Variants in PPP2R2B observed in about 807,000 individuals in gnomAD.
PPP2R2B encodes the protein serine/threonine-protein phosphatase 2A 55 kDa regulatory subunit B beta isoform.
A neutral mutation model predicts 46.0 loss-of-function variants in PPP2R2B; 5 were observed. The ratio of observed to expected loss-of-function variants is 0.11; its 90% confidence interval spans 0.06 to 0.23. PPP2R2B has a LOEUF of 0.23. Ranked by LOEUF, PPP2R2B falls within the 10% of genes least tolerant of loss-of-function variation. The pLI, the probability that PPP2R2B is intolerant of heterozygous loss-of-function variation, is 1.00. For synonymous variants in PPP2R2B, 215 were observed against 206.7 expected, an observed-to-expected ratio of 1.04 and a Z score of -0.34; for missense variants, 367 against 575.0, an observed-to-expected ratio of 0.64 and a Z score of 3.70.
At chr5:146,790,476 GCT>G (rs1756127401) in intron 2 of PPP2R2B, among the ~76,000 whole-genome samples, 1 of 152,332 alleles carries the variant, frequency 6.6e-6, no homozygotes, top group African/African-American at 2.4e-5. Flanking sequence ...GGTGAGGGCA[GCT>G]CTTTCTACCC....
chr5:146,784,854 T>G (rs1755741431), intron 2 of PPP2R2B, among the ~76,000 whole-genome samples: 1 of 152,198 alleles, frequency 6.6e-6, no homozygotes, highest in African/African-American at 2.4e-5. Flanking sequence ...ATACTTGACT[T>G]GTCAGAATCA....
At chr5:146,592,696 G>A (rs1193014869) in intron 9 of PPP2R2B, among the ~76,000 whole-genome samples, 3 of 152,218 alleles carry the variant, frequency 2.0e-5, no homozygotes, top group Non-Finnish European at 4.4e-5. Context: ...TTGACCTAGT[G>A]CTGGAGGTGT....
chr5:147,015,217 C>T lies in PPP2R2B; in HGVS notation c.79+40448G>A, dbSNP rs1275762805. Among the ~76,000 whole-genome samples, 48 of 149,010 alleles carry T rather than the reference C, an allele frequency of 3.2e-4. 1 individual carries two copies. In the Admixed American group the frequency reaches 3.3e-3, roughly 10 times the overall value. On this transcript the variant is annotated intron_variant, in intron 1 of 8. Coordinates refer to the PPP2R2B transcript ENST00000336640. ...TGAATGACTGAACCACTTCCAGACC[C>T]TCCTTTCCCCAATTTTATAGACCAC...
intron 1 of PPP2R2B, among the ~76,000 whole-genome samples, chr5:146,956,091 C>T (rs1343559679): frequency 6.6e-6 from 1 of 151,882 alleles, no homozygotes; most frequent in Non-Finnish European, 1.5e-5. Context: ...AGTCTTCTTT[C>T]TAAGGAGTCT....
intron 1 of PPP2R2B, among the ~76,000 whole-genome samples, chr5:147,033,481 T>G (rs1042283246): frequency 6.6e-6 from 1 of 152,182 alleles, no homozygotes; most frequent in Non-Finnish European, 1.5e-5. Flanking sequence ...TAGTAACAGA[T>G]ATGAATGACT....
chr5:147,067,457 A>T (rs1406444822), intron 2 of PPP2R2B, among the ~76,000 whole-genome samples: 1 of 152,084 alleles, frequency 6.6e-6, no homozygotes, highest in African/African-American at 2.4e-5. Context: ...TGTCCTCTAG[A>T]TTCATCAGTG....
Position 146,730,759 on chromosome 5 carries a change from C to A in PPP2R2B, c.71-29617G>T, listed in dbSNP as rs546322369. On this transcript the variant is annotated intron_variant, in intron 2 of 9. Transcript: ENST00000394411. The stretch of plus-strand genomic sequence containing the variant: ...CTGAGGCCTCCCCAGACATGTGGAA[C>A]TGTAAGTCCAATTAAACCTCTTTTT... Among the ~76,000 whole-genome samples, 11 of 152,276 alleles carry A rather than the reference C, an allele frequency of 7.2e-5. 1 individual carries two copies. In the East Asian group the frequency reaches 1.9e-3, roughly 27 times the overall value.
intron 2 of PPP2R2B, among the ~76,000 whole-genome samples, chr5:146,732,400 C>T (rs1364907856): frequency 2.0e-5 from 3 of 152,072 alleles, no homozygotes; most frequent in African/African-American, 7.2e-5. Context: ...GGTTTTTCCA[C>T]AGAGCAAGTG....
chr5:146,895,203 C>T (rs1343575355), intron 1 of PPP2R2B, among the ~76,000 whole-genome samples: 4 of 152,192 alleles, frequency 2.6e-5, no homozygotes, highest in Non-Finnish European at 5.9e-5. Context: ...AGTGTTTCTT[C>T]TTCATTCACC....
chr5:146,938,459 A>G (rs1305089706), intron 1 of PPP2R2B, among the ~76,000 whole-genome samples: 3 of 152,174 alleles, frequency 2.0e-5, no homozygotes, highest in African/African-American at 7.2e-5. Context: ...CCTAGCAATT[A>G]TATCTCTAAG....
At chr5:146,861,851 G>C in intron 2 of PPP2R2B, among the ~76,000 whole-genome samples, 1 of 111,874 alleles carries the variant, frequency 8.9e-6, no homozygotes. Flanking sequence ...TTAAAATACA[G>C]CATTGTTTTT....
chr5:146,757,922 A>G (rs770812839), intron 2 of PPP2R2B, among the ~76,000 whole-genome samples: 11 of 152,158 alleles, frequency 7.2e-5, no homozygotes, highest in Non-Finnish European at 1.2e-4. Context: ...TCTTCCATGC[A>G]CCTTGAAGGC....
intron 1 of PPP2R2B, among the ~76,000 whole-genome samples, chr5:147,047,348 G>A (rs77618062): frequency 0.051 from 7,721 of 152,114 alleles, 276 homozygotes; most frequent in Admixed American, 0.083. Flanking sequence ...TGATGAATAT[G>A]CTAATTACCC....
chr5:146,662,722 T>G (rs1481910564), intron 5 of PPP2R2B, among the ~76,000 whole-genome samples: 3 of 152,168 alleles, frequency 2.0e-5, no homozygotes, highest in Non-Finnish European at 4.4e-5. Context: ...AGGTTTATGT[T>G]AATTTTAAAA....
intron 1 of PPP2R2B, among the ~76,000 whole-genome samples, chr5:147,036,692 T>C (rs566682505): frequency 5.3e-5 from 8 of 152,300 alleles, no homozygotes; most frequent in African/African-American, 1.9e-4. Flanking sequence ...ATTTTTGACT[T>C]TTTAATAATA....
At chr5:146,944,349 G>T (rs1389540806) in intron 1 of PPP2R2B, among the ~76,000 whole-genome samples, 1 of 152,126 alleles carries the variant, frequency 6.6e-6, no homozygotes, top group Non-Finnish European at 1.5e-5. Flanking sequence ...CTTTAGATCA[G>T]AGAGAGAAAG....
intron 1 of PPP2R2B, among the ~76,000 whole-genome samples, chr5:147,007,489 T>G (rs1754500555): frequency 6.6e-6 from 1 of 152,116 alleles, no homozygotes; most frequent in African/African-American, 2.4e-5. Context: ...AATGGACCAA[T>G]CAGCAGGATG....
At chr5:147,054,494 G>T (rs79657188) in intron 1 of PPP2R2B, 5 of 377,850 alleles carry the variant, frequency 1.3e-5, no homozygotes, top group African/African-American at 6.6e-5. Context: ...TAAAAAAAAA[G>T]TCCATGAGAT....
chr5:146,823,073 T>C (rs183645788), intron 2 of PPP2R2B, among the ~76,000 whole-genome samples: 2 of 152,332 alleles, frequency 1.3e-5, no homozygotes, highest in Admixed American at 1.3e-4. Context: ...ACCAAAAGGT[T>C]ACACATGCTT....
Sources: gnomAD v4.1 joint callset for allele counts (sites outside exome capture counted in the v4.1 genomes callset) on GRCh38, gnomAD v4.1.1 for gene constraint, MANE v1.5 for transcripts, NCBI Gene and HGNC (gene_info 2026-07-23, HGNC 2026-07-21) for gene names.